Variants in PHKA1 observed in about 807,000 individuals in gnomAD.
PHKA1 encodes phosphorylase b kinase regulatory subunit alpha, skeletal muscle isoform.
In PHKA1, 60 loss-of-function variants were observed where a neutral mutation model predicts 110.2. The observed-to-expected ratio is 0.54, with a 90% CI of 0.44 to 0.68. The LOEUF is 0.68. Among genes scored for constraint, PHKA1 ranks in the 30% least tolerant of loss-of-function variants. The probability of loss-of-function intolerance (pLI) is 0.00; values close to 1 mark genes in which losing one functional copy is unlikely to be tolerated. For missense variants in PHKA1, 801 were observed against 942.5 expected, an observed-to-expected ratio of 0.85 and a Z score of 1.97; for synonymous variants, 316 against 333.6, an observed-to-expected ratio of 0.95 and a Z score of 0.58.
chrX:72,598,628 A>G (rs2052620666), intron 28 of PHKA1, among the ~76,000 whole-genome samples: 1 of 112,183 alleles, frequency 8.9e-6, no homozygotes, highest in African/African-American at 3.2e-5. Context: ...TGAATGGATA[A>G]ATAAAATGTG....
At chrX:72,644,519 G>A (rs1556296606) in intron 13 of PHKA1, 23 bp from the exon 14 acceptor site, 4 of 1,186,579 alleles carry the variant, frequency 3.4e-6, no homozygotes, top group African/African-American at 1.8e-5. Context: ...AAGAAGATGA[G>A]GTCAACAGAA....
At chrX:72,692,021 G>GA (rs2054045462) in intron 4 of PHKA1, among the ~76,000 whole-genome samples, 1 of 111,813 alleles carries the variant, frequency 8.9e-6, no homozygotes, top group East Asian at 2.8e-4. Context: ...TTATCAGGTT[G>GA]AAAAAATTCT....
intron 10 of PHKA1, 59 bp downstream of exon 10, chrX:72,656,061 T>C (rs1402081300): frequency 9.4e-6 from 11 of 1,171,482 alleles, no homozygotes; most frequent in Non-Finnish European, 1.3e-5. Context: ...GGTATACTAT[T>C]AGCTGTAAGA....
Position 72,609,680 on chromosome X carries a change from G to T in PHKA1, c.2550C>A (p.His850Gln). ...GAAGTCCTACTGTCAAATGTTTCTG[G>T]TGGGAGAGAAGGTCTGTGCAGGCCT... Reference protein sequence around the residue: ...LDEACTDLLSHQKHLTVGLPP... With the variant: ...LDEACTDLLSQQKHLTVGLPP... The change falls in exon 23 of 32, where the codon CAC becomes CAA. Residue 850 changes from histidine to glutamine, a missense_variant. By Grantham distance (24) the His-to-Gln change is conservative. Transcript: ENST00000373542. 1.7e-6 allele frequency: 2 copies of T among 1,202,848 alleles called. No homozygotes were observed. Among genetic ancestry groups the T allele is most frequent in the South Asian group, 3.5e-5 (2 of 56,821 alleles).
Position 72,682,254 on chromosome X carries a change from C to T in PHKA1, c.537+2244G>A, listed in dbSNP as rs1209249095. The stretch of plus-strand genomic sequence containing the variant: ...GAGGGAGGTTGGGGGGTCAGCCCCC[C>T]GCCCGGCCAGCCGCCCCGTCCGGGA... On this transcript the variant is annotated intron_variant, in intron 5 of 31. Coordinates refer to ENST00000373542, the MANE Select transcript of PHKA1 (RefSeq NM_002637.4). 5.7e-5 allele frequency among the ~76,000 whole-genome samples: 5 copies of T among 87,162 alleles called. No individual in the cohort carries two copies. The South Asian group carries it at 3.3e-3, about 58-fold the overall frequency. The allele number at this position is 87,162 out of a possible 115,157, so 75.7% of individuals were successfully genotyped here. A position where few individuals can be genotyped will look rare whatever the true frequency, so the allele number is the denominator to read the frequency against.
Position 72,606,466 on chromosome X carries a change from C to T in PHKA1, c.2607-847G>A, listed in dbSNP as rs782559854. Among the ~76,000 whole-genome samples, 5 of 111,346 alleles carry T rather than the reference C, an allele frequency of 4.5e-5. No individual in the cohort carries two copies. In the South Asian group the frequency reaches 1.9e-3, roughly 43 times the overall value. On this transcript the variant is annotated intron_variant, in intron 23 of 31. Coordinates refer to ENST00000373542, the MANE Select transcript of PHKA1 (RefSeq NM_002637.4). ...AACCATGCCATCTTCTTTGGATTAC[C>T]TACAGTGTCACAAAACTGATACAAA...
At chrX:72,612,365 T>C (rs1420677248) in intron 21 of PHKA1, among the ~76,000 whole-genome samples, 3 of 111,827 alleles carry the variant, frequency 2.7e-5, no homozygotes, top group Non-Finnish European at 5.6e-5. Context: ...GTGGGGCTTC[T>C]TTTTGGGGTA....
Position 72,593,105 on chromosome X carries a change from T to G in PHKA1, c.3242A>C (p.Lys1081Thr), listed in dbSNP as rs868932629. 8.5e-6 allele frequency: 10 copies of G among 1,176,026 alleles called. No homozygotes were observed. In the Middle Eastern group the frequency reaches 1.9e-3, roughly 221 times the overall value. ...ACATCAACAATGTATTATGCTCACC[T>G]TCTGCAAAACTTTCCATACTTTCTG... ...FYQKVWKVLQ[K>T]CHGLSVEGFV... is the part of the protein sequence containing the mutation. Residue 1081 changes from lysine to threonine, a missense_variant and splice_region_variant, in exon 29 of 32, where the codon AAG becomes ACG. Transcript: ENST00000373542.
intron 4 of PHKA1, 66 bp downstream of exon 4, chrX:72,695,642 A>G: frequency 9.1e-7 from 1 of 1,098,572 alleles, no homozygotes; most frequent in African/African-American, 1.8e-5. Context: ...TCAATTTAAA[A>G]GAATATTAAT....
intron 14 of PHKA1, among the ~76,000 whole-genome samples, chrX:72,638,600 A>G (rs2053258517): frequency 9.0e-6 from 1 of 111,199 alleles, no homozygotes; most frequent in Non-Finnish European, 1.9e-5. Context: ...GTAGGCAGAT[A>G]CAGTATAAGC....
intron 6 of PHKA1, among the ~76,000 whole-genome samples, chrX:72,668,986 T>G (rs1437337263): frequency 8.9e-6 from 1 of 112,732 alleles, no homozygotes; most frequent in Non-Finnish European, 1.9e-5. Flanking sequence ...AAAGCAAGTC[T>G]TAAACCCAGC....
At chrX:72,628,351 T>C (rs1423018707) in intron 16 of PHKA1, among the ~76,000 whole-genome samples, 2 of 109,909 alleles carry the variant, frequency 1.8e-5, no homozygotes, top group Non-Finnish European at 3.8e-5. Context: ...TCAAGAGTTT[T>C]TCGTGTTTTG....
intron 8 of PHKA1, among the ~76,000 whole-genome samples, chrX:72,665,409 C>G (rs192992480): frequency 1.1e-3 from 125 of 111,248 alleles, no homozygotes; most frequent in Non-Finnish European, 1.9e-3. Context: ...AAATGTACTC[C>G]GATGAAGAAA....
intron 13 of PHKA1, among the ~76,000 whole-genome samples, chrX:72,648,086 G>A (rs180726146): frequency 2.7e-4 from 30 of 111,807 alleles, no homozygotes; most frequent in Non-Finnish European, 3.6e-4. Context: ...TAAAAAAGTG[G>A]AAGTTTGGAT....
intron 2 of PHKA1, among the ~76,000 whole-genome samples, chrX:72,708,379 C>G (rs1449124835): frequency 6.3e-5 from 7 of 111,119 alleles, no homozygotes; most frequent in African/African-American, 2.0e-4. Flanking sequence ...AGACATCAGC[C>G]TGGCTGGAAC....
chrX:72,584,128 A>G lies in PHKA1; in HGVS notation c.3297+121T>C, dbSNP rs1460192852. 5 of 606,656 alleles carry G rather than the reference A, an allele frequency of 8.2e-6. No individual in the cohort carries two copies. In the African/African-American group the frequency reaches 1.1e-4, roughly 13 times the overall value. The allele number at this position is 606,656 out of a possible 1,213,427, so 50.0% of individuals were successfully genotyped here. The stretch of plus-strand genomic sequence containing the variant: ...AAAAAATTGTCTTTTCTTCAAATGC[A>G]TTTCATGTTCAGTTGATTTATAAAA... On this transcript the variant is annotated intron_variant, in intron 30 of 31. Transcript: ENST00000373542.
Position 72,666,178 on chromosome X carries a change from T to C in PHKA1, c.837A>G (p.Thr279=), listed in dbSNP as rs1556306279. ...GAAGCTTGGTGATGATTTCCTGTTT[T>C]GTGAGCTCCACCAACTGGCTATCCT... is the stretch of plus-strand genomic sequence containing the variant. ...AVEDSQLVEL[T]KQEIITKLQG... The change falls in exon 8 of 32, where the codon ACA becomes ACG. Residue 279 remains threonine (T), a synonymous_variant. Coordinates refer to ENST00000373542, the MANE Select transcript of PHKA1 (RefSeq NM_002637.4). 1.7e-6 allele frequency: 2 copies of C among 1,209,566 alleles called. No individual in the cohort carries two copies. Among genetic ancestry groups the C allele is most frequent in the Non-Finnish European group, 2.2e-6 (2 of 894,826 alleles).
intron 28 of PHKA1, chrX:72,599,841 A>G (rs7054230): frequency 0.11 from 62,972 of 549,092 alleles, 8,874 homozygotes; most frequent in East Asian, 0.69. Flanking sequence ...CATCAAATCT[A>G]TACCCAGGGG....
At chrX:72,664,203 GAC>G (rs1284937982) in intron 8 of PHKA1, among the ~76,000 whole-genome samples, 5 of 110,917 alleles carry the variant, frequency 4.5e-5, no homozygotes, top group Admixed American at 9.6e-5. Flanking sequence ...CACCTGTAAA[GAC>G]ACACATAGAC....
Sources: allele counts gnomAD v4.1 joint callset (sites outside exome capture counted in the v4.1 genomes callset), GRCh38; gene constraint gnomAD v4.1.1; transcripts MANE v1.5; gene names NCBI Gene and HGNC (gene_info 2026-07-23, HGNC 2026-07-21).